Variants in TENM4 observed in about 807,000 individuals in gnomAD.
The protein encoded by TENM4 is teneurin transmembrane protein 4.
Under a neutral mutation model 243.3 loss-of-function variants are expected in TENM4, and 82 were observed. The observed-to-expected ratio is 0.34, with a 90% confidence interval of 0.28 to 0.40. The LOEUF (loss-of-function observed/expected upper bound fraction) is 0.40, where lower values mean the gene tolerates loss of function less well. Ranked by LOEUF, TENM4 falls within the 10% of genes least tolerant of loss-of-function variation. The probability of loss-of-function intolerance (pLI) is 1.00; values close to 1 mark genes in which losing one functional copy is unlikely to be tolerated. For missense variants in TENM4, 3,138 were observed against 3,673.3 expected, an observed-to-expected ratio of 0.85 and a Z score of 3.77; for synonymous variants, 1,412 against 1,456.3, an observed-to-expected ratio of 0.97 and a Z score of 0.69.
chr11:79,356,654 G>T (rs895455588), intron 1 of TENM4, among the ~76,000 whole-genome samples: 20 of 152,094 alleles, frequency 1.3e-4, no homozygotes, highest in African/African-American at 4.6e-4. Context: ...AATAGATAAC[G>T]AAAGGGCTTT....
rs118013771 is a variant in TENM4, at chr11:78,653,835, C to T, written c.*4223G>A. ...AACATTGGCCCTCGCCTGGGCCTTC[C>T]CACACTCTGATATTCCACATTCGTA... On this transcript the variant is annotated 3_prime_UTR_variant, in exon 34 of 34. Transcript: ENST00000278550. The T allele has an allele frequency of 1.2e-4, 18 of 152,368 alleles. No individual in the cohort carries two copies. The East Asian group carries it at 3.5e-3, about 29-fold the overall frequency. 9.4% of individuals were successfully genotyped at this position (152,368 alleles called of 1,614,324 possible). A position where few individuals can be genotyped will look rare whatever the true frequency, so the allele number is the denominator to read the frequency against.
chr11:78,755,941 G>A (rs12275832), intron 19 of TENM4, among the ~76,000 whole-genome samples: 5,504 of 152,232 alleles, frequency 0.036, 146 homozygotes, highest in African/African-American at 0.072. Flanking sequence ...GCACCACTAC[G>A]TTGGAAGACA....
chr11:79,022,438 G>T (rs563430850), intron 6 of TENM4, among the ~76,000 whole-genome samples: 2 of 152,216 alleles, frequency 1.3e-5, no homozygotes, highest in East Asian at 3.9e-4. Context: ...GGATCTTTGT[G>T]CAGATTTGTG....
At chr11:79,038,871 T>C (rs1859449823) in intron 6 of TENM4, among the ~76,000 whole-genome samples, 2 of 152,088 alleles carry the variant, frequency 1.3e-5, no homozygotes, top group Non-Finnish European at 2.9e-5. Flanking sequence ...AGAGCTTTCA[T>C]ACTGATGGTT....
chr11:79,254,595 A>G (rs1425205575), intron 2 of TENM4, among the ~76,000 whole-genome samples: 2 of 152,190 alleles, frequency 1.3e-5, no homozygotes, highest in African/African-American at 2.4e-5. Flanking sequence ...TTTAAAGTCA[A>G]CAGGAGTTAC....
intron 13 of TENM4, among the ~76,000 whole-genome samples, chr11:78,813,779 G>C (rs1374578986): frequency 6.6e-6 from 1 of 152,156 alleles, no homozygotes; most frequent in Non-Finnish European, 1.5e-5. Context: ...GGCACCATTA[G>C]GGTCCTCTGT....
intron 19 of TENM4, among the ~76,000 whole-genome samples, chr11:78,751,929 A>G (rs1363166339): frequency 6.6e-6 from 1 of 152,074 alleles, no homozygotes; most frequent in Non-Finnish European, 1.5e-5. Flanking sequence ...TATTCTCCCC[A>G]TGACTCCATG....
rs182606416 is a variant in TENM4 at position 78,792,114 on chromosome 11, A to C, written c.2180-5031T>G. Among the ~76,000 whole-genome samples, 696 of 152,328 alleles carry C rather than the reference A, an allele frequency of 4.6e-3. 5 individuals carry two copies. Among genetic ancestry groups the C allele is most frequent in the African/African-American group, 0.015 (641 of 41,564 alleles). On this transcript the variant is annotated intron_variant, in intron 15 of 33. Transcript: ENST00000278550. ...TGGTGACAACTGAAGAAAATAGTTT[A>C]TATGAAAAGCTCTGTGTACACTATG...
intron 2 of TENM4, among the ~76,000 whole-genome samples, chr11:79,235,686 A>T (rs1202674197): frequency 6.6e-6 from 1 of 152,184 alleles, no homozygotes; most frequent in Non-Finnish European, 1.5e-5. Flanking sequence ...TCAACGTATG[A>T]CTATAAATAG....
At chr11:79,243,700 C>T (rs995948905) in intron 2 of TENM4, among the ~76,000 whole-genome samples, 5 of 152,124 alleles carry the variant, frequency 3.3e-5, no homozygotes, top group Admixed American at 1.3e-4. Flanking sequence ...CCCGTGGAGC[C>T]GGGACTGTGG....
At chr11:79,387,911 G>A (rs1036130879) in intron 1 of TENM4, among the ~76,000 whole-genome samples, 1 of 152,178 alleles carries the variant, frequency 6.6e-6, no homozygotes, top group African/African-American at 2.4e-5. Context: ...TGGCTGAGGT[G>A]GAAGGATTGC....
At chr11:79,278,893 C>A (rs1856106523) in intron 2 of TENM4, among the ~76,000 whole-genome samples, 1 of 152,168 alleles carries the variant, frequency 6.6e-6, no homozygotes. Flanking sequence ...TCTTCATCCT[C>A]CAGAAACCAA....
At chr11:78,853,712 A>T (rs1858601728) in intron 12 of TENM4, among the ~76,000 whole-genome samples, 1 of 152,216 alleles carries the variant, frequency 6.6e-6, no homozygotes, top group South Asian at 2.1e-4. Context: ...ATGAAAACCA[A>T]AACAAAACCC....
intron 6 of TENM4, among the ~76,000 whole-genome samples, chr11:78,911,880 T>TC (rs941214195): frequency 1.6e-4 from 25 of 152,286 alleles, no homozygotes; most frequent in Admixed American, 4.6e-4. Flanking sequence ...ACACTTCTTT[T>TC]CCCCCAGCCC....
intron 6 of TENM4, among the ~76,000 whole-genome samples, chr11:79,023,114 T>C (rs766675202): frequency 1.2e-4 from 18 of 152,212 alleles, no homozygotes; most frequent in Non-Finnish European, 2.1e-4. Context: ...CCTTCATTTA[T>C]TTAAAAAATT....
chr11:79,112,919 T>C (rs1276603672), intron 4 of TENM4, among the ~76,000 whole-genome samples: 1 of 152,164 alleles, frequency 6.6e-6, no homozygotes, highest in Non-Finnish European at 1.5e-5. Context: ...GCCGTTCATA[T>C]TGACAAAGGC....
At chr11:78,939,735 T>A (rs977379464) in intron 6 of TENM4, among the ~76,000 whole-genome samples, 3 of 152,170 alleles carry the variant, frequency 2.0e-5, no homozygotes, top group African/African-American at 7.2e-5. Flanking sequence ...GAACAATCCA[T>A]AGCACTTAAC....
At chr11:79,042,451 G>A (rs1859558472) in intron 6 of TENM4, among the ~76,000 whole-genome samples, 1 of 152,178 alleles carries the variant, frequency 6.6e-6, no homozygotes, top group South Asian at 2.1e-4. Context: ...AATGGGATTA[G>A]TGACCTTATA....
chr11:79,103,988 G>A lies in TENM4; in HGVS notation c.-65-33979C>T, dbSNP rs116011426. Among the ~76,000 whole-genome samples, 658 of 152,250 alleles carry A rather than the reference G, an allele frequency of 4.3e-3. 6 individuals are homozygous for A. The highest frequency in any genetic ancestry group is 0.015 in the African/African-American group (633 of 41,544). ...CACCTAATTCTCTTTCATCCAGGGCGTTTGTGTTAGCTGTTTCTTCTTCTT... is the reference window on the plus strand; with the variant it reads ...CACCTAATTCTCTTTCATCCAGGGCATTTGTGTTAGCTGTTTCTTCTTCTT... On this transcript the variant is annotated intron_variant, in intron 4 of 33. Transcript: ENST00000278550.
Sources: gnomAD v4.1 joint callset for allele counts (sites outside exome capture counted in the v4.1 genomes callset) on GRCh38, gnomAD v4.1.1 for gene constraint, MANE v1.5 for transcripts, NCBI Gene and HGNC (gene_info 2026-07-23, HGNC 2026-07-21) for gene names.